CEMIP: variants seen among roughly 807,000 people sequenced by gnomAD.
CEMIP encodes cell migration inducing hyaluronidase 1.
A neutral mutation model predicts 156.9 loss-of-function variants in CEMIP; 105 were observed. The observed-to-expected ratio is 0.67, with a 90% CI of 0.57 to 0.79. CEMIP has a LOEUF of 0.79. CEMIP is among the 30% of genes least tolerant of loss of function. CEMIP has a pLI of 0.00. For missense variants in CEMIP, 1,457 were observed against 1,769.4 expected (o/e 0.82, Z 3.17); for synonymous variants, 676 against 668.4 (o/e 1.01, Z -0.17).
In CEMIP at chr15:80,923,413, A is replaced by C. The variant is rs988667505; in HGVS notation, c.2203-1208A>C. 3.9e-5 allele frequency among the ~76,000 whole-genome samples: 6 copies of C among 152,066 alleles called. No individual in the cohort carries two copies. In the East Asian group the frequency reaches 7.7e-4, roughly 20 times the overall value. ...GAGAATGTGTTGGCTGCTTGTCGAG[A>C]AACCCCTCACACGCACCCCTTGGGA... On this transcript the variant is annotated intron_variant, in intron 17 of 29. Coordinates refer to ENST00000394685, the MANE Select transcript of CEMIP (RefSeq NM_001293298.2).
intron 28 of CEMIP, 93 bp from the exon 29 acceptor site, chr15:80,946,872 C>T: frequency 1.2e-6 from 1 of 825,514 alleles, no homozygotes. Flanking sequence ...CTGCTAACTC[C>T]AGTCCCACCA....
At chr15:80,917,001 AAAG>A (rs1900298878) in intron 14 of CEMIP, among the ~76,000 whole-genome samples, 1 of 152,224 alleles carries the variant, frequency 6.6e-6, no homozygotes, top group Non-Finnish European at 1.5e-5. Flanking sequence ...GGTCCATGCA[AAAG>A]AAGTGACTTG....
At chr15:80,885,340 C>A (rs928091165) in intron 7 of CEMIP, among the ~76,000 whole-genome samples, 1 of 152,172 alleles carries the variant, frequency 6.6e-6, no homozygotes, top group Non-Finnish European at 1.5e-5. Context: ...AGGGGTGCTC[C>A]AGGTTCCAGA....
At position 80,949,211 on chromosome 15, in the gene CEMIP, G is replaced by A. The variant is rs1375705248; in HGVS notation, c.*287G>A. 2.2e-6 allele frequency: 1 copy of A among 462,430 alleles called. No individual in the cohort carries two copies. The highest frequency in any genetic ancestry group is 4.5e-5 in the East Asian group (1 of 22,426). The allele number at this position is 462,430 out of a possible 1,614,324, so 28.6% of individuals were successfully genotyped here. A position where few individuals can be genotyped will look rare whatever the true frequency, so the allele number is the denominator to read the frequency against. The stretch of plus-strand genomic sequence containing the variant: ...TCTCCTATCTGTGCCTCTTCAGTGG[G>A]GGTTTGGGGACCATATCAGGAGACC... On this transcript the variant is annotated 3_prime_UTR_variant, in exon 30 of 30. Transcript: ENST00000394685.
intron 1 of CEMIP, among the ~76,000 whole-genome samples, chr15:80,821,940 T>A (rs1162881032): frequency 6.6e-6 from 1 of 152,238 alleles, no homozygotes; most frequent in Non-Finnish European, 1.5e-5. Flanking sequence ...AGGCTGTTGT[T>A]TGCCATTGGG....
At chr15:80,879,005 G>A in intron 4 of CEMIP, 138 bp downstream of exon 4, 3 of 1,121,642 alleles carry the variant, frequency 2.7e-6, no homozygotes, top group Non-Finnish European at 4.0e-6. Context: ...TTGGTTGTCT[G>A]AGATAACCAT....
At chr15:80,930,193 A>T (rs776078406) in intron 21 of CEMIP, among the ~76,000 whole-genome samples, 3 of 151,826 alleles carry the variant, frequency 2.0e-5, no homozygotes, top group Non-Finnish European at 2.9e-5. Context: ...CCAAGTGGAC[A>T]TGGAAAAGAC....
chr15:80,926,884 G>A (rs1197344073), intron 19 of CEMIP, among the ~76,000 whole-genome samples: 1 of 148,328 alleles, frequency 6.7e-6, no homozygotes, highest in East Asian at 2.0e-4. Context: ...AGGCTGGAGT[G>A]CAGTGGTGCA....
chr15:80,913,997 T>C (rs569218459), intron 14 of CEMIP, among the ~76,000 whole-genome samples: 13 of 152,388 alleles, frequency 8.5e-5, no homozygotes, highest in African/African-American at 2.9e-4. Flanking sequence ...ACTACATTGA[T>C]ACTGTCAGTG....
chr15:80,879,744 G>A lies in CEMIP; in HGVS notation c.270G>A (p.Glu90=). ...GGKLVIKDHD[E]PIVLRTRHIL... Reference sequence around the variant, plus strand: ...AGCTGGTCATTAAAGACCACGACGAGCCGATTGTTTTGCGAACCCGGCACA... The same window carrying A: ...AGCTGGTCATTAAAGACCACGACGAACCGATTGTTTTGCGAACCCGGCACA... The change falls in exon 5 of 30, where the codon GAG becomes GAA. Residue 90 remains glutamate (E), a synonymous_variant. Transcript: ENST00000394685. The A allele has an allele frequency of 6.2e-7, 1 of 1,614,214 alleles. No individual in the cohort carries two copies. Among genetic ancestry groups the A allele is most frequent in the Non-Finnish European group, 8.5e-7 (1 of 1,180,038 alleles).
chr15:80,830,761 G>A (rs1596118198), intron 1 of CEMIP, among the ~76,000 whole-genome samples: 1 of 152,100 alleles, frequency 6.6e-6, no homozygotes, highest in East Asian at 1.9e-4. Context: ...CATGGGCTGA[G>A]TAATGTTACT....
chr15:80,949,009 C>G lies in CEMIP; in HGVS notation c.*85C>G. On this transcript the variant is annotated 3_prime_UTR_variant, in exon 30 of 30. Coordinates refer to ENST00000394685, the MANE Select transcript of CEMIP (RefSeq NM_001293298.2). ...ACCAGTGGGGGATGGCTGGGTCCCC[C>G]AGCCCCTGCCAGCAGCTGCCTGGGA... The G allele has an allele frequency of 3.2e-6, 5 of 1,558,974 alleles. No individual in the cohort carries two copies. Among genetic ancestry groups the G allele is most frequent in the Non-Finnish European group, 2.6e-6 (3 of 1,133,504 alleles).
rs183019308 is a variant in CEMIP, at chr15:80,846,304, G to A, written c.-175-27234G>A. ...TTATAGTCACTCAACCAACCAGAGC[G>A]CTCTTCCCCCGTCTCTCTCTGGGTC... On this transcript the variant is annotated intron_variant, in intron 1 of 29. Transcript: ENST00000394685. Among the ~76,000 whole-genome samples the A allele has an allele frequency of 5.1e-4, 77 of 152,260 alleles. No homozygotes were observed. In the East Asian group the frequency reaches 8.9e-3, roughly 18 times the overall value.
At chr15:80,943,487 G>C (rs1901420882) in intron 28 of CEMIP, among the ~76,000 whole-genome samples, 1 of 152,158 alleles carries the variant, frequency 6.6e-6, no homozygotes, top group South Asian at 2.1e-4. Context: ...CAGTCCAACT[G>C]CTACTTGGAC....
At chr15:80,810,816 C>G (rs1219687478) in intron 1 of CEMIP, among the ~76,000 whole-genome samples, 1 of 151,506 alleles carries the variant, frequency 6.6e-6, no homozygotes, top group Non-Finnish European at 1.5e-5. Context: ...ATCCATCCAT[C>G]CATCCATCCA....
chr15:80,883,305 A>T (rs1340135045), intron 6 of CEMIP, among the ~76,000 whole-genome samples: 1 of 152,046 alleles, frequency 6.6e-6, no homozygotes, highest in Non-Finnish European at 1.5e-5. Context: ...TGTGTGTGTG[A>T]TTTGTATTTC....
At chr15:80,868,926 T>C (rs914336955) in intron 1 of CEMIP, among the ~76,000 whole-genome samples, 3 of 152,190 alleles carry the variant, frequency 2.0e-5, no homozygotes, top group Non-Finnish European at 2.9e-5. Context: ...TACTCGAGGA[T>C]GCTGTGTTAG....
rs567235534 is a variant in CEMIP, at chr15:80,876,908, G to T, written c.95-1813G>T. 2.7e-4 allele frequency among the ~76,000 whole-genome samples: 41 copies of T among 152,308 alleles called. 1 individual carries two copies. In the South Asian group the frequency reaches 5.8e-3, roughly 22 times the overall value. The stretch of plus-strand genomic sequence containing the variant: ...TGTATTAGTCTGTTTTCATGCTGCT[G>T]ATAAAGACATACCCGCGGCTGGATA... On this transcript the variant is annotated intron_variant, in intron 3 of 29. Coordinates refer to ENST00000394685, the MANE Select transcript of CEMIP (RefSeq NM_001293298.2).
At chr15:80,877,695 G>A (rs919981463) in intron 3 of CEMIP, among the ~76,000 whole-genome samples, 1 of 152,206 alleles carries the variant, frequency 6.6e-6, no homozygotes, top group Non-Finnish European at 1.5e-5. Flanking sequence ...GTCAAGCCTT[G>A]TTAGCTATGT....
Sources: gnomAD v4.1 joint callset for allele counts (sites outside exome capture counted in the v4.1 genomes callset) on GRCh38, gnomAD v4.1.1 for gene constraint, MANE v1.5 for transcripts, NCBI Gene and HGNC (gene_info 2026-07-23, HGNC 2026-07-21) for gene names.